The following SLC27A2 variants were observed in gnomAD, a reference collection of about 807,000 sequenced individuals.
SLC27A2 encodes solute carrier family 27 member 2.
SLC27A2 carries 54 observed loss-of-function variants against 60.0 expected under a neutral mutation model. That is an observed-to-expected ratio of 0.90 (90% CI 0.72 to 1.13). The LOEUF (loss-of-function observed/expected upper bound fraction) is 1.13, where lower values mean the gene tolerates loss of function less well. Ranked by LOEUF, SLC27A2 falls within the 50% of genes most tolerant of loss-of-function variation. The pLI is 0.00. For synonymous variants in SLC27A2, 297 were observed against 297.6 expected, an observed-to-expected ratio of 1.00 and a Z score of 0.02; for missense variants, 739 against 777.6, an observed-to-expected ratio of 0.95 and a Z score of 0.59.
At chr15:50,189,098 T>C (rs901443849) in intron 1 of SLC27A2, among the ~76,000 whole-genome samples, 2 of 152,200 alleles carry the variant, frequency 1.3e-5, no homozygotes, top group Non-Finnish European at 2.9e-5. Context: ...ATGGGTTCCA[T>C]TATTCTGGTT....
chr15:50,200,716 A>G (rs531497071), intron 2 of SLC27A2, among the ~76,000 whole-genome samples: 1 of 152,196 alleles, frequency 6.6e-6, no homozygotes, highest in Non-Finnish European at 1.5e-5. Flanking sequence ...CTGTTCTTCC[A>G]TGGGAAACAA....
chr15:50,226,425 A>G (rs1480441351), intron 6 of SLC27A2, among the ~76,000 whole-genome samples: 1 of 152,200 alleles, frequency 6.6e-6, no homozygotes, highest in Admixed American at 6.5e-5. Context: ...TTATTCAGTA[A>G]AAAATTAGCA....
chr15:50,227,114 G>T lies in SLC27A2; in HGVS notation c.1393G>T (p.Asp465Tyr). The T allele has an allele frequency of 1.2e-6, 2 of 1,614,110 alleles. No homozygotes were observed. The highest frequency in any genetic ancestry group is 1.7e-6 in the Non-Finnish European group (2 of 1,179,942). The change falls in exon 7 of 10, where the codon GAT becomes TAT. Residue 465 changes from aspartate to tyrosine, a missense_variant. Transcript: ENST00000267842. The stretch of plus-strand genomic sequence containing the variant: ...AGGAGACCTCTATTTCAACAGTGGA[G>T]ATCTCTTAATGGTTGACCATGAAAA... ...KKGDLYFNSG[D>Y]LLMVDHENFI... is the part of the protein sequence containing the mutation.
chr15:50,205,956 T>C (rs1270896221), intron 4 of SLC27A2, among the ~76,000 whole-genome samples: 1 of 152,180 alleles, frequency 6.6e-6, no homozygotes, highest in Non-Finnish European at 1.5e-5. Context: ...GTCACCAAGC[T>C]GGGAACAGAT....
chr15:50,203,193 A>T (rs1435889487), intron 3 of SLC27A2, among the ~76,000 whole-genome samples: 1 of 152,046 alleles, frequency 6.6e-6, no homozygotes. Flanking sequence ...GACTGTAAAA[A>T]AAAAAATTTT....
rs2045255809 is a variant in SLC27A2 at position 50,223,137 on chromosome 15, G to A, written c.1145G>A (p.Gly382Glu). The change falls in exon 5 of 10, where the codon GGA becomes GAA. Residue 382 changes from glycine (G) to glutamate (E), a missense_variant. By Grantham distance (98) the Gly-to-Glu change is moderately conservative. Transcript: ENST00000267842. ...TATGCGAGAAAAGTTGGTGCTGTTG[G>A]AAGAGTAAACTACCTACAGAAAGTA... ...MNYARKVGAV[G>E]RVNYLQKKII... 6.2e-7 allele frequency: 1 copy of A among 1,613,376 alleles called. No homozygotes were observed. The highest frequency in any genetic ancestry group is 1.7e-5 in the Admixed American group (1 of 59,902).
At chr15:50,229,211 A>G (rs2045299281) in intron 8 of SLC27A2, among the ~76,000 whole-genome samples, 169 bp downstream of exon 8, 1 of 152,218 alleles carries the variant, frequency 6.6e-6, no homozygotes, top group African/African-American at 2.4e-5. Context: ...ATAAAAGCCA[A>G]CTCAGTGCAT....
chr15:50,210,113 A>T (rs1359015190), intron 4 of SLC27A2, among the ~76,000 whole-genome samples: 1 of 152,218 alleles, frequency 6.6e-6, no homozygotes, highest in African/African-American at 2.4e-5. Flanking sequence ...CTGTGTAAGA[A>T]GTAAAATACG....
intron 1 of SLC27A2, 41 bp from the exon 2 acceptor site, chr15:50,197,459 A>G: frequency 6.8e-7 from 1 of 1,476,566 alleles, no homozygotes; most frequent in Non-Finnish European, 9.4e-7. Flanking sequence ...ACTTTAATAG[A>G]CTGATTTAGT....
chr15:50,227,120 T>C lies in SLC27A2; in HGVS notation c.1399T>C (p.Leu467=), dbSNP rs2045284178. Residue 467 remains leucine, a synonymous_variant, in exon 7 of 10, where the codon TTA becomes CTA. Coordinates refer to ENST00000267842, the MANE Select transcript of SLC27A2 (RefSeq NM_003645.4). ...CCTCTATTTCAACAGTGGAGATCTCTTAATGGTTGACCATGAAAATTTCAT... is the reference window on the plus strand; with the variant it reads ...CCTCTATTTCAACAGTGGAGATCTCCTAATGGTTGACCATGAAAATTTCAT... ...GDLYFNSGDL[L]MVDHENFIYF... 1.2e-6 allele frequency: 2 copies of C among 1,613,266 alleles called. No individual in the cohort carries two copies. The highest frequency in any genetic ancestry group is 4.5e-5 in the East Asian group (2 of 44,824).
At chr15:50,207,242 TAC>T (rs1448280271) in intron 4 of SLC27A2, among the ~76,000 whole-genome samples, 4 of 152,114 alleles carry the variant, frequency 2.6e-5, no homozygotes. Flanking sequence ...CATGCACACA[TAC>T]ACACATGCAT....
chr15:50,229,427 G>A (rs1213792849), intron 8 of SLC27A2, among the ~76,000 whole-genome samples: 2 of 152,204 alleles, frequency 1.3e-5, no homozygotes, highest in East Asian at 3.8e-4. Context: ...AAAAGCTGGG[G>A]AAAAGTGGAT....
chr15:50,234,587 C>CAAA (rs767076726), intron 9 of SLC27A2, among the ~76,000 whole-genome samples: 311 of 61,494 alleles, frequency 5.1e-3, no homozygotes, highest in African/African-American at 0.016. Flanking sequence ...ACTCCATCTC[C>CAAA]AAAAAAAAAA....
intron 1 of SLC27A2, among the ~76,000 whole-genome samples, chr15:50,195,414 C>A (rs2045005960): frequency 6.6e-6 from 1 of 151,956 alleles, no homozygotes; most frequent in African/African-American, 2.4e-5. Context: ...TGCTGTGAAC[C>A]CGGGAGGCGG....
chr15:50,205,249 T>G lies in SLC27A2; in HGVS notation c.858T>G (p.Leu286=), dbSNP rs1279074481. 6.2e-7 allele frequency: 1 copy of G among 1,610,698 alleles called. No homozygotes were observed. Among genetic ancestry groups the G allele is most frequent in the Admixed American group, 1.7e-5 (1 of 59,832 alleles). ...IHGCIVAGAT[L]ALRTKFSASQ... ...GTGCTTTCTCTGTAGGTGCTACTCTTGCCTTGCGGACTAAATTTTCAGCCA... is the reference window on the plus strand; with the variant it reads ...GTGCTTTCTCTGTAGGTGCTACTCTGGCCTTGCGGACTAAATTTTCAGCCA... Residue 286 remains leucine, a synonymous_variant, in exon 4 of 10, where the codon CTT becomes CTG. Transcript: ENST00000267842.
At chr15:50,198,058 G>A (rs779477798) in intron 2 of SLC27A2, among the ~76,000 whole-genome samples, 2 of 152,108 alleles carry the variant, frequency 1.3e-5, no homozygotes, top group East Asian at 3.8e-4. Context: ...CATATAGACT[G>A]TATAATTGAT....
chr15:50,224,113 C>T (rs1266168751), intron 5 of SLC27A2, among the ~76,000 whole-genome samples: 1 of 152,192 alleles, frequency 6.6e-6, no homozygotes, highest in Non-Finnish European at 1.5e-5. Context: ...AACCCAGTGC[C>T]TAGCCCACAC....
chr15:50,216,610 G>GTGTGTGTATA (rs1323910367), intron 4 of SLC27A2, among the ~76,000 whole-genome samples: 6 of 66,482 alleles, frequency 9.0e-5, no homozygotes, highest in African/African-American at 3.3e-4. Flanking sequence ...GTGTGTGTGT[G>GTGTGTGTATA]TATATATATA....
intron 2 of SLC27A2, among the ~76,000 whole-genome samples, chr15:50,197,955 G>A (rs2045037286): frequency 6.6e-6 from 1 of 152,140 alleles, no homozygotes; most frequent in Non-Finnish European, 1.5e-5. Context: ...AACTACAGAA[G>A]TAGTTATGAT....
Sources: gnomAD v4.1 joint callset for allele counts (sites outside exome capture counted in the v4.1 genomes callset) on GRCh38, gnomAD v4.1.1 for gene constraint, MANE v1.5 for transcripts, NCBI Gene and HGNC (gene_info 2026-07-23, HGNC 2026-07-21) for gene names.